PJVK: variants seen among roughly 807,000 people sequenced by gnomAD.
PJVK encodes pejvakin, also known as autosomal recessive deafness type 59 protein.
Under a neutral mutation model 37.6 loss-of-function variants are expected in PJVK, and 33 were observed. The observed-to-expected ratio is 0.88, with a 90% CI of 0.67 to 1.17. The LOEUF (loss-of-function observed/expected upper bound fraction) is 1.17. Ranked by LOEUF, PJVK falls within the 50% of genes most tolerant of loss-of-function variation. The pLI, the probability that PJVK is intolerant of heterozygous loss-of-function variation, is 0.00. For missense variants in PJVK, 410 were observed against 413.8 expected (o/e 0.99, Z 0.08); for synonymous variants, 141 against 143.5 (o/e 0.98, Z 0.13).
At chr2:178,456,893 A>T (rs962550781) in intron 4 of PJVK, among the ~76,000 whole-genome samples, 1 of 152,252 alleles carries the variant, frequency 6.6e-6, no homozygotes, top group African/African-American at 2.4e-5. Flanking sequence ...TGCTGTTTTA[A>T]GAATAAAAAT....
Position 178,456,071 on chromosome 2 carries a change from T to C in PJVK, c.469T>C (p.Cys157Arg). ...QSRSSRKAVL[C>R]VVMESIRTTR... ...AAGGAGCAGCAGAAAGGCAGTATTG[T>C]GTGTGGTCATGGAGAGCATCCGAAC... Residue 157 changes from cysteine to arginine, a missense_variant, in exon 4 of 7, where the codon TGT becomes CGT. By Grantham distance (180) the Cys-to-Arg change is radical. Transcript: ENST00000644580. The C allele has an allele frequency of 6.2e-7, 1 of 1,614,236 alleles. No individual in the cohort carries two copies. The highest frequency in any genetic ancestry group is 2.2e-5 in the East Asian group (1 of 44,886).
chr2:178,455,907 A>G (rs1474693725), intron 3 of PJVK, 103 bp from the exon 4 acceptor site: 4 of 1,329,250 alleles, frequency 3.0e-6, no homozygotes, highest in East Asian at 2.5e-5. Context: ...TTGATTTACT[A>G]TTAGGTGAAC....
Position 178,453,515 on chromosome 2 carries a change from C to T in PJVK, c.106C>T (p.Leu36=). The change falls in exon 2 of 7, where the codon CTG becomes TTG. Residue 36 remains leucine, a synonymous_variant. Coordinates refer to ENST00000644580, the MANE Select transcript of PJVK (RefSeq NM_001042702.5). ...SEADKYQPLS[L]VVKKKRCFLF... is the part of the protein sequence containing the mutation. Reference sequence around the variant, plus strand: ...AGCTGACAAATATCAACCTCTAAGTCTGGTGGTAAAAAAGAAGCGATGCTT... The same window carrying T: ...AGCTGACAAATATCAACCTCTAAGTTTGGTGGTAAAAAAGAAGCGATGCTT... 6.2e-7 allele frequency: 1 copy of T among 1,614,058 alleles called. No homozygotes were observed. The highest frequency in any genetic ancestry group is 8.5e-7 in the Non-Finnish European group (1 of 1,179,992).
At chr2:178,456,251 G>A (rs1684073927) in intron 4 of PJVK, 100 bp downstream of exon 4, 4 of 1,478,676 alleles carry the variant, frequency 2.7e-6, no homozygotes, top group East Asian at 2.5e-5. Context: ...TTTGTGAAAT[G>A]TTCTGATGAA....
At chr2:178,457,348 G>A (rs1426047166) in intron 4 of PJVK, among the ~76,000 whole-genome samples, 1 of 152,204 alleles carries the variant, frequency 6.6e-6, no homozygotes, top group South Asian at 2.1e-4. Flanking sequence ...AGGTGCAGTG[G>A]ATCATGCCTG....
chr2:178,459,229 G>T (rs2154126245), intron 5 of PJVK: 1 of 471,982 alleles, frequency 2.1e-6, no homozygotes, highest in Non-Finnish European at 4.4e-6. Flanking sequence ...AACAAGTCCA[G>T]GTGTAGCCCA....
chr2:178,461,584 C>CTTTTTTTTTTTTTTTTTTTTTT lies in PJVK; in HGVS notation c.*328_*329insTTTTTTTTTTTTTTTTTTTTTT, dbSNP rs536141412. On this transcript the variant is annotated 3_prime_UTR_variant, in exon 7 of 7. Coordinates refer to ENST00000644580, the MANE Select transcript of PJVK (RefSeq NM_001042702.5). ...GATGTAGTCTATCATTTTAGTTCAC[C>CTTTTTTTTTTTTTTTTTTTTTT]TTTTTTTTTTTTTTTTTTGAGACAG... Among the ~76,000 whole-genome samples the CTTTTTTTTTTTTTTTTTTTTTT allele has an allele frequency of 4.2e-4, 51 of 122,786 alleles. 3 individuals are homozygous for CTTTTTTTTTTTTTTTTTTTTTT. Among genetic ancestry groups the CTTTTTTTTTTTTTTTTTTTTTT allele is most frequent in the African/African-American group, 1.5e-3 (47 of 30,998 alleles). The allele number at this position is 122,786 out of a possible 152,430, so 80.6% of individuals were successfully genotyped here. A position where few individuals can be genotyped will look rare whatever the true frequency, so the allele number is the denominator to read the frequency against.
intron 5 of PJVK, among the ~76,000 whole-genome samples, 164 bp downstream of exon 5, chr2:178,458,791 G>C (rs974129707): frequency 1.3e-5 from 2 of 152,164 alleles, no homozygotes; most frequent in African/African-American, 4.8e-5. Flanking sequence ...AGCTGAGAAA[G>C]ACCCTCCGTT....
chr2:178,453,339 T>G (rs1697827031), intron 1 of PJVK, 49 bp from the exon 2 acceptor site: 1 of 1,494,434 alleles, frequency 6.7e-7, no homozygotes, highest in East Asian at 2.3e-5. Context: ...AATGCTTAAT[T>G]TTGTGCCTGA....
rs1290233641 is a variant in PJVK at position 178,460,379 on chromosome 2, A to T, written c.699A>T (p.Gly233=). 1 of 1,613,970 alleles carries T rather than the reference A, an allele frequency of 6.2e-7. No homozygotes were observed. The change falls in exon 6 of 7, where the codon GGA becomes GGT. Residue 233 remains glycine (G), a synonymous_variant. Coordinates refer to ENST00000644580, the MANE Select transcript of PJVK (RefSeq NM_001042702.5). ...DLCVTSVSKG[G]FEREETATFA... is the part of the protein sequence containing the mutation. ...GTGTCACTTCAGTGTCAAAAGGAGGATTTGAAAGGGAAGAAACGGCAACAT... is the reference window on the plus strand; with the variant it reads ...GTGTCACTTCAGTGTCAAAAGGAGGTTTTGAAAGGGAAGAAACGGCAACAT...
At chr2:178,455,083 C>T (rs1683949824) in intron 3 of PJVK, 1 of 1,536,878 alleles carries the variant, frequency 6.5e-7, no homozygotes, top group South Asian at 1.1e-5. Flanking sequence ...AGCCAGCGAT[C>T]ATCGATGGGG....
chr2:178,455,717 A>T (rs1442720508), intron 3 of PJVK, among the ~76,000 whole-genome samples: 1 of 152,320 alleles, frequency 6.6e-6, no homozygotes, highest in South Asian at 2.1e-4. Flanking sequence ...CTCTACACAC[A>T]TTTGCTTAAT....
intron 4 of PJVK, 141 bp downstream of exon 4, chr2:178,456,292 C>T (rs1684076862): frequency 2.0e-6 from 2 of 995,256 alleles, no homozygotes; most frequent in Admixed American, 4.2e-5. Flanking sequence ...TTTTGCACAG[C>T]AATGTCTGTT....
Position 178,456,163 on chromosome 2 carries a change from T to G in PJVK, c.549+12T>G, listed in dbSNP as rs937464707. On this transcript the variant is annotated intron_variant, in intron 4 of 6. Transcript: ENST00000644580. ...GGGAAGCAATGCGGGTAAACCACAC[T>G]TGTTGGGTTCTCTTACTAACTAAAG... 1.2e-5 allele frequency: 19 copies of G among 1,613,460 alleles called. No homozygotes were observed. Among genetic ancestry groups the G allele is most frequent in the Non-Finnish European group, 1.6e-5 (19 of 1,179,660 alleles).
intron 3 of PJVK, among the ~76,000 whole-genome samples, 173 bp from the exon 4 acceptor site, chr2:178,455,837 G>A (rs1684035157): frequency 6.6e-6 from 1 of 152,110 alleles, no homozygotes; most frequent in African/African-American, 2.4e-5. Flanking sequence ...TAAGAAAATA[G>A]AGAGGAGAGA....
intron 5 of PJVK, chr2:178,459,233 T>C (rs765252274): frequency 6.4e-6 from 3 of 471,722 alleles, no homozygotes; most frequent in Non-Finnish European, 1.3e-5. Flanking sequence ...AGTCCAGGTG[T>C]AGCCCAAGGG....
At chr2:178,453,194 A>G (rs992133393) in intron 1 of PJVK, 194 bp from the exon 2 acceptor site, 6 of 532,262 alleles carry the variant, frequency 1.1e-5, no homozygotes, top group African/African-American at 5.7e-5. Context: ...TGCTCTTAGC[A>G]TATCATTTTA....
chr2:178,456,065 G>A lies in PJVK; in HGVS notation c.463G>A (p.Val155Ile). The A allele has an allele frequency of 1.2e-6, 2 of 1,614,190 alleles. No homozygotes were observed. The highest frequency in any genetic ancestry group is 1.7e-6 in the Non-Finnish European group (2 of 1,180,042). Reference sequence around the variant, plus strand: ...TCAGTCAAGGAGCAGCAGAAAGGCAGTATTGTGTGTGGTCATGGAGAGCAT... The same window carrying A: ...TCAGTCAAGGAGCAGCAGAAAGGCAATATTGTGTGTGGTCATGGAGAGCAT... Reference protein sequence around the residue: ...IRQSRSSRKAVLCVVMESIRT... With the variant: ...IRQSRSSRKAILCVVMESIRT... Residue 155 changes from valine to isoleucine, a missense_variant, in exon 4 of 7, where the codon GTA becomes ATA. Transcript: ENST00000644580.
intron 5 of PJVK, chr2:178,459,980 A>G: frequency 4.8e-6 from 1 of 209,930 alleles, no homozygotes; most frequent in East Asian, 1.2e-4. Context: ...AGAGCTGAGT[A>G]TAATATGTAA....
Sources: allele counts gnomAD v4.1 joint callset (sites outside exome capture counted in the v4.1 genomes callset), GRCh38; gene constraint gnomAD v4.1.1; transcripts MANE v1.5; gene names NCBI Gene and HGNC (gene_info 2026-07-23, HGNC 2026-07-21).